Variants in UMAD1 observed in about 807,000 individuals in gnomAD.
UMAD1 encodes the protein UBAP1-MVB12-associated (UMA) domain containing 1.
A neutral mutation model predicts 6.1 loss-of-function variants in UMAD1; 8 were observed. The observed-to-expected ratio is 1.30, with a 90% confidence interval of 0.76 to 2.35. UMAD1 has a LOEUF of 2.35. Ranked by LOEUF, UMAD1 falls within the 30% of genes most tolerant of loss-of-function variation. UMAD1 has a pLI of 0.00. For synonymous variants in UMAD1, 56 were observed against 31.4 expected, an observed-to-expected ratio of 1.78 and a Z score of -2.61; for missense variants, 130 against 78.4, an observed-to-expected ratio of 1.66 and a Z score of -2.49.
chr7:7,648,027 A>G (rs915022348), intron 1 of UMAD1, among the ~76,000 whole-genome samples: 1 of 152,196 alleles, frequency 6.6e-6, no homozygotes, highest in African/African-American at 2.4e-5. Flanking sequence ...GACAAGACCC[A>G]TGGGCTTGAA....
intron 2 of UMAD1, among the ~76,000 whole-genome samples, chr7:7,737,046 G>C (rs1045613037): frequency 1.3e-5 from 2 of 152,220 alleles, no homozygotes; most frequent in African/African-American, 4.8e-5. Context: ...CTTTGGCGTG[G>C]GCCATGCCCC....
chr7:7,777,001 A>G (rs553091819), intron 2 of UMAD1, among the ~76,000 whole-genome samples: 1 of 152,184 alleles, frequency 6.6e-6, no homozygotes, highest in Non-Finnish European at 1.5e-5. Context: ...ACCCTCCTCC[A>G]TGCTTGTATG....
chr7:7,825,260 G>A (rs959452808), intron 3 of UMAD1, among the ~76,000 whole-genome samples: 14 of 152,124 alleles, frequency 9.2e-5, no homozygotes, highest in African/African-American at 3.4e-4. Context: ...CATTCACAAC[G>A]AGATAGTCAA....
chr7:7,712,006 T>C (rs537102199), intron 2 of UMAD1, among the ~76,000 whole-genome samples: 1 of 152,120 alleles, frequency 6.6e-6, no homozygotes, highest in Non-Finnish European at 1.5e-5. Flanking sequence ...TTGGATTAAT[T>C]CATCTTCTTT....
intron 2 of UMAD1, among the ~76,000 whole-genome samples, chr7:7,684,671 A>T (rs1007555264): frequency 6.6e-6 from 1 of 152,222 alleles, no homozygotes; most frequent in Non-Finnish European, 1.5e-5. Context: ...TAATTATACA[A>T]TGTGAATTCC....
intron 3 of UMAD1, among the ~76,000 whole-genome samples, chr7:7,811,754 G>T (rs1349551175): frequency 6.6e-6 from 1 of 152,156 alleles, no homozygotes; most frequent in African/African-American, 2.4e-5. Flanking sequence ...AAGCTTTATG[G>T]CCTGTTGGGT....
intron 2 of UMAD1, among the ~76,000 whole-genome samples, chr7:7,708,952 G>A (rs1252903309): frequency 6.6e-6 from 1 of 151,074 alleles, no homozygotes; most frequent in African/African-American, 2.4e-5. Flanking sequence ...AGAGAGAGAG[G>A]GAGAGAGAGA....
At chr7:7,685,102 ACT>A (rs1780010025) in intron 2 of UMAD1, among the ~76,000 whole-genome samples, 1 of 152,078 alleles carries the variant, frequency 6.6e-6, no homozygotes. Context: ...TGAGGATGAG[ACT>A]CTAAGTAAAA....
chr7:7,712,356 C>T (rs1415215119), intron 2 of UMAD1, among the ~76,000 whole-genome samples: 1 of 152,016 alleles, frequency 6.6e-6, no homozygotes, highest in Non-Finnish European at 1.5e-5. Context: ...TATTTCTGTC[C>T]ATTTGCTTAG....
At chr7:7,725,023 A>T (rs572842914) in intron 2 of UMAD1, among the ~76,000 whole-genome samples, 1 of 152,318 alleles carries the variant, frequency 6.6e-6, no homozygotes, top group Admixed American at 6.5e-5. Flanking sequence ...TACTGGTGAG[A>T]CATTTGCATG....
intron 1 of UMAD1, among the ~76,000 whole-genome samples, chr7:7,644,100 C>T (rs183319593): frequency 6.6e-5 from 10 of 152,272 alleles, no homozygotes; most frequent in Non-Finnish European, 1.5e-4. Context: ...ATATTCTTGG[C>T]AACTCTTGGA....
chr7:7,776,889 C>G lies in UMAD1; in HGVS notation c.83-24781C>G, dbSNP rs192597540. Reference sequence around the variant, plus strand: ...CCTTCCTCCAACATCTGTCATCGATCCACACAGTTCTTCCTCCTCCAAAAG... The same window carrying G: ...CCTTCCTCCAACATCTGTCATCGATGCACACAGTTCTTCCTCCTCCAAAAG... On this transcript the variant is annotated intron_variant, in intron 2 of 3. Coordinates refer to ENST00000682710, the MANE Select transcript of UMAD1 (RefSeq NM_001302348.2). Among the ~76,000 whole-genome samples the G allele has an allele frequency of 2.6e-5, 4 of 152,280 alleles. No individual in the cohort carries two copies. In the East Asian group the frequency reaches 7.7e-4, roughly 29 times the overall value.
At chr7:7,701,449 C>A (rs556015185) in intron 2 of UMAD1, among the ~76,000 whole-genome samples, 1 of 152,186 alleles carries the variant, frequency 6.6e-6, no homozygotes, top group Admixed American at 6.5e-5. Context: ...TGCTCAACTT[C>A]ATTTGCCATC....
intron 1 of UMAD1, among the ~76,000 whole-genome samples, chr7:7,643,688 G>A (rs1785027933): frequency 6.7e-6 from 1 of 148,794 alleles, no homozygotes; most frequent in South Asian, 2.1e-4. Flanking sequence ...CTCCAACCTG[G>A]GCCACAGAGC....
chr7:7,873,766 G>A (rs1442132555), intron 3 of UMAD1, among the ~76,000 whole-genome samples: 2 of 152,064 alleles, frequency 1.3e-5, no homozygotes, highest in African/African-American at 2.4e-5. Context: ...CTTATGAGCT[G>A]TTTCTTATTA....
chr7:7,870,528 G>GA (rs1784313431), intron 3 of UMAD1, among the ~76,000 whole-genome samples: 1 of 152,098 alleles, frequency 6.6e-6, no homozygotes, highest in Admixed American at 6.5e-5. Context: ...TTATGCAAAT[G>GA]AAAAAAATCA....
intron 2 of UMAD1, chr7:7,741,885 A>C (rs1781475773): frequency 4.8e-6 from 1 of 206,398 alleles, no homozygotes; most frequent in South Asian, 7.2e-5. Flanking sequence ...AAATAAAGTC[A>C]TTTTTTACTA....
At chr7:7,754,823 C>T (rs184070916) in intron 2 of UMAD1, among the ~76,000 whole-genome samples, 61 of 152,160 alleles carry the variant, frequency 4.0e-4, no homozygotes, top group African/African-American at 1.5e-3. Flanking sequence ...TGTGGTGTGT[C>T]TGTGTATATA....
intron 3 of UMAD1, among the ~76,000 whole-genome samples, chr7:7,823,228 AC>A (rs980735641): frequency 1.3e-5 from 2 of 152,022 alleles, no homozygotes; most frequent in African/African-American, 4.8e-5. Flanking sequence ...CCAAAATGTC[AC>A]CCCCAAAAAG....
Sources: gnomAD v4.1 joint callset for allele counts (sites outside exome capture counted in the v4.1 genomes callset) on GRCh38, gnomAD v4.1.1 for gene constraint, MANE v1.5 for transcripts, NCBI Gene and HGNC (gene_info 2026-07-23, HGNC 2026-07-21) for gene names.